ZDHHC2: variants seen among roughly 807,000 people sequenced by gnomAD.
The protein encoded by ZDHHC2 is palmitoyltransferase ZDHHC2.
A neutral mutation model predicts 55.6 loss-of-function variants in ZDHHC2; 51 were observed. That is an observed-to-expected ratio of 0.92 (90% CI 0.73 to 1.16). The LOEUF (loss-of-function observed/expected upper bound fraction) is 1.16, where lower values mean the gene tolerates loss of function less well. Ranked by LOEUF, ZDHHC2 falls within the 50% of genes most tolerant of loss-of-function variation. ZDHHC2 has a pLI of 0.00. For synonymous variants in ZDHHC2, 199 were observed against 152.9 expected (o/e 1.30, Z -2.22); for missense variants, 491 against 442.4 (o/e 1.11, Z -0.99).
intron 3 of ZDHHC2, 123 bp downstream of exon 3, chr8:17,186,548 A>G (rs1805721822): frequency 8.9e-6 from 5 of 560,826 alleles, no homozygotes; most frequent in Non-Finnish European, 8.9e-6. Context: ...TTTAGATTAA[A>G]AAAATTAGTA....
In ZDHHC2 at chr8:17,222,453, GAC is replaced by G. The variant is rs1305508117; in HGVS notation, c.*2236_*2237del. On this transcript the variant is annotated 3_prime_UTR_variant, in exon 13 of 13. Transcript: ENST00000262096. ...TTTAATGGCTTAACTCGAACTTGAA[GAC>G]ACATACTTCAACTGTCCTTATTGTC... 2 of 151,820 alleles carry G rather than the reference GAC, an allele frequency of 1.3e-5. No individual in the cohort carries two copies. Among genetic ancestry groups the G allele is most frequent in the South Asian group, 2.1e-4 (1 of 4,820 alleles). The allele number at this position is 151,820 out of a possible 1,614,324, so 9.4% of individuals were successfully genotyped here.
At chr8:17,186,154 T>A (rs1421494254) in intron 2 of ZDHHC2, among the ~76,000 whole-genome samples, 177 bp from the exon 3 acceptor site, 1 of 152,218 alleles carries the variant, frequency 6.6e-6, no homozygotes, top group East Asian at 1.9e-4. Context: ...TAAAAAACTC[T>A]TGGCTTTGGA....
chr8:17,162,280 T>A (rs1298167806), intron 1 of ZDHHC2, among the ~76,000 whole-genome samples: 1 of 152,244 alleles, frequency 6.6e-6, no homozygotes, highest in Non-Finnish European at 1.5e-5. Context: ...AAATGTTGAA[T>A]GAATTAATCT....
intron 2 of ZDHHC2, among the ~76,000 whole-genome samples, chr8:17,185,029 A>AT (rs1325151913): frequency 6.6e-6 from 1 of 152,158 alleles, no homozygotes; most frequent in Non-Finnish European, 1.5e-5. Context: ...TGTGCCAGAG[A>AT]TTCTTAAGGC....
At chr8:17,209,711 T>TA (rs1321249056) in intron 8 of ZDHHC2, among the ~76,000 whole-genome samples, 1 of 152,170 alleles carries the variant, frequency 6.6e-6, no homozygotes, top group East Asian at 1.9e-4. Flanking sequence ...ACTATTATAA[T>TA]AAAAAGGCAT....
At chr8:17,199,585 C>G (rs1327584134) in intron 6 of ZDHHC2, among the ~76,000 whole-genome samples, 1 of 66,276 alleles carries the variant, frequency 1.5e-5, no homozygotes, top group Non-Finnish European at 4.2e-5. Flanking sequence ...TCTTCTTCTT[C>G]TTCTTTCTTC....
intron 1 of ZDHHC2, among the ~76,000 whole-genome samples, chr8:17,175,328 T>C (rs1336365040): frequency 1.3e-5 from 2 of 152,194 alleles, no homozygotes; most frequent in African/African-American, 4.8e-5. Flanking sequence ...TTTCTCATTC[T>C]ACTAATTCAC....
At chr8:17,215,461 G>C (rs1807605009) in intron 11 of ZDHHC2, 112 bp downstream of exon 11, 1 of 819,642 alleles carries the variant, frequency 1.2e-6, no homozygotes, top group East Asian at 2.7e-5. Context: ...TTTGGAGTCA[G>C]ACTTCTATTC....
chr8:17,216,087 T>G (rs1265153210), intron 11 of ZDHHC2, among the ~76,000 whole-genome samples: 2 of 152,204 alleles, frequency 1.3e-5, no homozygotes, highest in African/African-American at 4.8e-5. Context: ...ATATGTGTGT[T>G]GTCCACATAA....
At chr8:17,165,173 A>G (rs998147081) in intron 1 of ZDHHC2, among the ~76,000 whole-genome samples, 6 of 152,238 alleles carry the variant, frequency 3.9e-5, no homozygotes, top group African/African-American at 1.2e-4. Flanking sequence ...AAAGATTTCA[A>G]TTATGAGTCT....
chr8:17,160,658 A>G (rs987088549), intron 1 of ZDHHC2, among the ~76,000 whole-genome samples: 1 of 152,222 alleles, frequency 6.6e-6, no homozygotes, highest in Non-Finnish European at 1.5e-5. Context: ...TAACTTTATT[A>G]TCGTTTACAG....
At chr8:17,160,727 A>G (rs1804298232) in intron 1 of ZDHHC2, among the ~76,000 whole-genome samples, 1 of 152,212 alleles carries the variant, frequency 6.6e-6, no homozygotes, top group Non-Finnish European at 1.5e-5. Context: ...AGAGATTTAA[A>G]GGGCTTTGTA....
chr8:17,163,489 T>A (rs906042182), intron 1 of ZDHHC2, among the ~76,000 whole-genome samples: 2 of 152,210 alleles, frequency 1.3e-5, no homozygotes, highest in East Asian at 3.8e-4. Context: ...ATGGTCCTCA[T>A]TGATTTTTTT....
chr8:17,212,347 C>T (rs1012346857), intron 10 of ZDHHC2, among the ~76,000 whole-genome samples: 3 of 152,112 alleles, frequency 2.0e-5, no homozygotes, highest in Non-Finnish European at 4.4e-5. Flanking sequence ...ATTTGATTCC[C>T]AGCCATGTGT....
At chr8:17,186,052 C>A (rs1176013642) in intron 2 of ZDHHC2, among the ~76,000 whole-genome samples, 1 of 152,062 alleles carries the variant, frequency 6.6e-6, no homozygotes, top group African/African-American at 2.4e-5. Flanking sequence ...AGAAAAGGTC[C>A]TTGTTAGTGA....
chr8:17,188,165 T>G (rs1220404752), intron 3 of ZDHHC2, among the ~76,000 whole-genome samples: 1 of 152,266 alleles, frequency 6.6e-6, no homozygotes, highest in East Asian at 1.9e-4. Context: ...TTTGCAATGT[T>G]TGTCTGGTCA....
chr8:17,171,329 G>A (rs1200247435), intron 1 of ZDHHC2, among the ~76,000 whole-genome samples: 10 of 152,152 alleles, frequency 6.6e-5, no homozygotes, highest in Non-Finnish European at 1.3e-4. Context: ...AGGGATTATA[G>A]GATTCCATTG....
rs531720542 is a variant in ZDHHC2 at position 17,184,650 on chromosome 8, A to G, written c.131-139A>G. ...CCACACTGTGCTCACCTCTCCTCCA[A>G]ATAAAGTTGAATAAATATTTAGAGA... is the stretch of plus-strand genomic sequence containing the variant. On this transcript the variant is annotated intron_variant, in intron 1 of 12. Coordinates refer to ENST00000262096, the MANE Select transcript of ZDHHC2 (RefSeq NM_016353.5). 270 of 733,838 alleles carry G rather than the reference A, an allele frequency of 3.7e-4. 3 individuals are homozygous for G. Among genetic ancestry groups the G allele is most frequent in the Admixed American group, 4.4e-4 (14 of 31,578 alleles). The allele number at this position is 733,838 out of a possible 1,614,324, so 45.5% of individuals were successfully genotyped here.
intron 1 of ZDHHC2, among the ~76,000 whole-genome samples, chr8:17,175,917 G>T (rs904457387): frequency 6.6e-6 from 1 of 152,172 alleles, no homozygotes; most frequent in African/African-American, 2.4e-5. Context: ...GGGCAAAGAC[G>T]CTAAGGTTTG....
Sources: allele counts gnomAD v4.1 joint callset (sites outside exome capture counted in the v4.1 genomes callset), GRCh38; gene constraint gnomAD v4.1.1; transcripts MANE v1.5; gene names NCBI Gene and HGNC (gene_info 2026-07-23, HGNC 2026-07-21).